Variants in RAPGEF5 observed in about 807,000 individuals in gnomAD.
RAPGEF5 encodes the protein M-Ras-regulated GEF.
In RAPGEF5, 65 loss-of-function variants were observed where a neutral mutation model predicts 125.2. That is an observed-to-expected ratio of 0.52 (90% CI 0.43 to 0.64). The LOEUF (loss-of-function observed/expected upper bound fraction) is 0.64. Ranked by LOEUF, RAPGEF5 falls within the 30% of genes least tolerant of loss-of-function variation. RAPGEF5 has a pLI of 0.00. For missense variants in RAPGEF5, 958 were observed against 1,048.1 expected (o/e 0.91, Z 1.19); for synonymous variants, 391 against 385.9 (o/e 1.01, Z -0.16).
At chr7:22,144,806 T>C (rs1783378025) in intron 20 of RAPGEF5, among the ~76,000 whole-genome samples, 1 of 152,248 alleles carries the variant, frequency 6.6e-6, no homozygotes, top group Admixed American at 6.5e-5. Flanking sequence ...TGCTTATTAG[T>C]GCTGAGGCAG....
rs1394303913 is a variant in RAPGEF5 at position 22,193,955 on chromosome 7, C to A, written c.1075G>T (p.Gly359Cys). The A allele has an allele frequency of 6.2e-7, 1 of 1,613,944 alleles. No individual in the cohort carries two copies. The highest frequency in any genetic ancestry group is 1.7e-5 in the Admixed American group (1 of 60,018). The change falls in exon 10 of 26, where the codon GGC becomes TGC. Residue 359 changes from glycine to cysteine, a missense_variant. Transcript: ENST00000665637. ...GCACTCCCAGCTGTGGGGGCTGGGCCACAGCACTGCACTTTCTTCAGCACC... is the reference window on the plus strand; with the variant it reads ...GCACTCCCAGCTGTGGGGGCTGGGCAACAGCACTGCACTTTCTTCAGCACC... ...VLVLKKVQCC[G>C]PAPTAGSAES... is the part of the protein sequence containing the mutation.
chr7:22,213,481 T>C (rs1302607921), intron 9 of RAPGEF5, among the ~76,000 whole-genome samples: 1 of 152,222 alleles, frequency 6.6e-6, no homozygotes, highest in African/African-American at 2.4e-5. Context: ...ATAAATTCTT[T>C]CCCCAGCTAG....
rs149484412 is a variant in RAPGEF5 at position 22,137,046 on chromosome 7, G to A, written c.2278-63C>T. ...GAAGTTGGTTATTTTCAGAGGCATC[G>A]AAGGGAGTTTTCATTACGTTGTTTA... On this transcript the variant is annotated intron_variant, in intron 21 of 25. Transcript: ENST00000665637. 100 of 1,272,658 alleles carry A rather than the reference G, an allele frequency of 7.9e-5. No individual in the cohort carries two copies. In the African/African-American group the frequency reaches 1.2e-3, roughly 16 times the overall value. 78.8% of individuals were successfully genotyped at this position (1,272,658 alleles called of 1,614,324 possible). A position where few individuals can be genotyped will look rare whatever the true frequency, so the allele number is the denominator to read the frequency against.
rs374326170 is a variant in RAPGEF5 at position 22,160,522 on chromosome 7, G to A, written c.1522C>T (p.Arg508Cys). ...TTAGGAAAATGAAATACTTACTGAC[G>A]ACGGTGCATTCCAAGTATCTTTTGA... ...EFQKILGMHR[R>C]HTVDEYSPQK... Residue 508 changes from arginine (R) to cysteine (C), a missense_variant, in exon 14 of 26, where the codon CGT becomes TGT. Physicochemically the swap from Arg to Cys is radical, Grantham distance 180 (BLOSUM62 -3). Transcript: ENST00000665637. 3.0e-5 allele frequency: 46 copies of A among 1,540,262 alleles called. No homozygotes were observed. The highest frequency in any genetic ancestry group is 5.5e-5 in the African/African-American group (4 of 72,654).
chr7:22,185,917 C>T (rs896715401), intron 11 of RAPGEF5, among the ~76,000 whole-genome samples: 40 of 151,766 alleles, frequency 2.6e-4, no homozygotes, highest in African/African-American at 9.0e-4. Flanking sequence ...TGCAGTGGTG[C>T]GATCTCAGCT....
chr7:22,341,264 G>C (rs1784123975), intron 1 of RAPGEF5, among the ~76,000 whole-genome samples: 1 of 152,148 alleles, frequency 6.6e-6, no homozygotes, highest in Non-Finnish European at 1.5e-5. Context: ...AAAACCATCA[G>C]ATCTCATGAG....
At chr7:22,167,901 T>C (rs1784222706) in intron 11 of RAPGEF5, among the ~76,000 whole-genome samples, 2 of 152,210 alleles carry the variant, frequency 1.3e-5, no homozygotes, top group South Asian at 4.1e-4. Context: ...AACTCTGACT[T>C]TCAATGTAAT....
chr7:22,355,913 C>T (rs1784412243), intron 1 of RAPGEF5: 2 of 965,982 alleles, frequency 2.1e-6, no homozygotes, highest in Non-Finnish European at 1.2e-6. Context: ...AGAAAAACCA[C>T]ATTGATGCAG....
At chr7:22,312,015 C>T (rs1195377413) in intron 3 of RAPGEF5, among the ~76,000 whole-genome samples, 1 of 152,192 alleles carries the variant, frequency 6.6e-6, no homozygotes, top group Non-Finnish European at 1.5e-5. Flanking sequence ...CACAATAAAG[C>T]ATTTACTAAA....
chr7:22,162,298 G>C (rs1389026220), intron 13 of RAPGEF5, 99 bp downstream of exon 13: 6 of 1,256,102 alleles, frequency 4.8e-6, no homozygotes, highest in Non-Finnish European at 6.6e-6. Context: ...TCACAAGAAA[G>C]CTGAATGACT....
intron 10 of RAPGEF5, 106 bp from the exon 11 acceptor site, chr7:22,193,561 A>T (rs765592781): frequency 2.0e-5 from 31 of 1,551,572 alleles, no homozygotes; most frequent in Non-Finnish European, 2.1e-5. Context: ...GAAATAAGGC[A>T]CATCGAAGGT....
chr7:22,264,420 T>C (rs1782234069), intron 7 of RAPGEF5, among the ~76,000 whole-genome samples: 2 of 152,218 alleles, frequency 1.3e-5, no homozygotes, highest in Admixed American at 1.3e-4. Flanking sequence ...CATGCTAATA[T>C]CATACAGTGA....
At chr7:22,298,918 A>G (rs1023843496) in intron 5 of RAPGEF5, among the ~76,000 whole-genome samples, 1 of 152,126 alleles carries the variant, frequency 6.6e-6, no homozygotes, top group Non-Finnish European at 1.5e-5. Flanking sequence ...TTCATTTGTT[A>G]GCTTTCAAAT....
At chr7:22,309,425 G>A (rs1365881960) in intron 4 of RAPGEF5, among the ~76,000 whole-genome samples, 2 of 152,142 alleles carry the variant, frequency 1.3e-5, no homozygotes, top group Admixed American at 1.3e-4. Flanking sequence ...CAGATTGCTC[G>A]GTTTCTAATC....
intron 5 of RAPGEF5, 150 bp from the exon 6 acceptor site, chr7:22,291,391 A>G: frequency 7.7e-7 from 1 of 1,302,136 alleles, no homozygotes; most frequent in Non-Finnish European, 1.0e-6. Context: ...CAGTAACTCC[A>G]TAGGAACATA....
intron 11 of RAPGEF5, among the ~76,000 whole-genome samples, chr7:22,184,346 T>C (rs1784765320): frequency 6.6e-6 from 1 of 152,248 alleles, no homozygotes; most frequent in African/African-American, 2.4e-5. Context: ...AATCATTGAA[T>C]AAACTACTCT....
chr7:22,162,685 G>T, intron 12 of RAPGEF5, 144 bp from the exon 13 acceptor site: 2 of 833,202 alleles, frequency 2.4e-6, no homozygotes, highest in Non-Finnish European at 3.8e-6. Context: ...GAGAGCAAAA[G>T]GTGTGCACTG....
At chr7:22,256,717 T>C (rs2128139418) in intron 7 of RAPGEF5, among the ~76,000 whole-genome samples, 1 of 152,242 alleles carries the variant, frequency 6.6e-6, no homozygotes, top group African/African-American at 2.4e-5. Context: ...GATCTAAAGA[T>C]AATGAGAGCT....
At chr7:22,335,962 C>G (rs1784020356) in intron 1 of RAPGEF5, among the ~76,000 whole-genome samples, 1 of 152,200 alleles carries the variant, frequency 6.6e-6, no homozygotes. Flanking sequence ...CTAGTCCTCT[C>G]AACACCAGAA....
Sources: allele counts gnomAD v4.1 joint callset (sites outside exome capture counted in the v4.1 genomes callset), GRCh38; gene constraint gnomAD v4.1.1; transcripts MANE v1.5; gene names NCBI Gene and HGNC (gene_info 2026-07-23, HGNC 2026-07-21).